GCC2: variants seen among roughly 807,000 people sequenced by gnomAD.
GCC2 encodes GRIP and coiled-coil domain containing 2.
Under a neutral mutation model 210.6 loss-of-function variants are expected in GCC2, and 120 were observed. That is an observed-to-expected ratio of 0.57 (90% confidence interval 0.49 to 0.66). The LOEUF (loss-of-function observed/expected upper bound fraction) is 0.66. GCC2 is among the 30% of genes least tolerant of loss of function. The pLI is 0.00. For missense variants in GCC2, 1,868 were observed against 1,871.9 expected, an observed-to-expected ratio of 1.00 and a Z score of 0.04; for synonymous variants, 703 against 652.7, an observed-to-expected ratio of 1.08 and a Z score of -1.17.
intron 22 of GCC2, among the ~76,000 whole-genome samples, chr2:108,506,915 A>G (rs1310130751): frequency 1.3e-5 from 2 of 152,070 alleles, no homozygotes; most frequent in Non-Finnish European, 2.9e-5. Flanking sequence ...GTTTGTAAAT[A>G]ATCATTTCTG....
chr2:108,504,829 A>G (rs374309476), intron 22 of GCC2, among the ~76,000 whole-genome samples: 2 of 152,198 alleles, frequency 1.3e-5, no homozygotes, highest in Admixed American at 6.5e-5. Context: ...CTTGTACACC[A>G]TACATACACA....
At chr2:108,505,439 T>C (rs1683135246) in intron 22 of GCC2, among the ~76,000 whole-genome samples, 1 of 152,198 alleles carries the variant, frequency 6.6e-6, no homozygotes, top group Non-Finnish European at 1.5e-5. Flanking sequence ...CTTTGTATAA[T>C]CTCTTCCCCT....
chr2:108,466,401 A>T (rs925871907), intron 4 of GCC2, among the ~76,000 whole-genome samples: 1 of 152,106 alleles, frequency 6.6e-6, no homozygotes, highest in African/African-American at 2.4e-5. Context: ...TTTTTAAAAT[A>T]CATATTTGTT....
At chr2:108,497,642 G>T (rs1682711000) in intron 21 of GCC2, among the ~76,000 whole-genome samples, 1 of 152,138 alleles carries the variant, frequency 6.6e-6, no homozygotes, top group Admixed American at 6.5e-5. Context: ...TTTTCAGGTG[G>T]AGATGGCAAA....
In GCC2 at chr2:108,481,685, C is replaced by CT; in HGVS notation, c.3061-8dup. 6.4e-7 allele frequency: 1 copy of CT among 1,573,948 alleles called. No individual in the cohort carries two copies. The highest frequency in any genetic ancestry group is 8.6e-7 in the Non-Finnish European group (1 of 1,163,624). ...AATTATATACCAAAGTTAAATCCTT[C>CT]TTTTATTGAAGAATCTTTTATTAGA... On this transcript the variant is annotated splice_polypyrimidine_tract_variant and intron_variant, in intron 9 of 22. Transcript: ENST00000309863.
chr2:108,463,852 A>C (rs1367662350), intron 4 of GCC2, among the ~76,000 whole-genome samples: 1 of 152,222 alleles, frequency 6.6e-6, no homozygotes, highest in African/African-American at 2.4e-5. Flanking sequence ...TGATTGGGCC[A>C]GTCTCCATAT....
chr2:108,455,745 C>T (rs553496931), intron 4 of GCC2, among the ~76,000 whole-genome samples: 21 of 152,210 alleles, frequency 1.4e-4, no homozygotes, highest in African/African-American at 4.6e-4. Flanking sequence ...CTGGAAATGG[C>T]GTGATCTTAT....
intron 9 of GCC2, among the ~76,000 whole-genome samples, chr2:108,478,817 C>T (rs1344821643): frequency 6.6e-6 from 1 of 152,098 alleles, no homozygotes; most frequent in Admixed American, 6.5e-5. Flanking sequence ...TCTAGAGGAG[C>T]CTACCCAAAT....
chr2:108,463,428 G>T (rs1680709259), intron 4 of GCC2, among the ~76,000 whole-genome samples: 1 of 152,094 alleles, frequency 6.6e-6, no homozygotes, highest in Non-Finnish European at 1.5e-5. Context: ...TTCTAGGTGG[G>T]TGCAATAGCA....
chr2:108,449,263 G>A lies in GCC2; in HGVS notation c.-12G>A. 1.3e-6 allele frequency: 2 copies of A among 1,549,238 alleles called. No individual in the cohort carries two copies. Among genetic ancestry groups the A allele is most frequent in the Non-Finnish European group, 1.7e-6 (2 of 1,145,222 alleles). ...CGGCGGCTGGTTGCGGGCCGGCGGC[G>A]GGCTGGCGGAGATGGAGGTAACTCA... is the stretch of plus-strand genomic sequence containing the variant. On this transcript the variant is annotated 5_prime_UTR_variant, in exon 1 of 23. Transcript: ENST00000309863.
intron 19 of GCC2, chr2:108,493,744 T>TAAA (rs1281852017): frequency 2.0e-6 from 2 of 985,104 alleles, no homozygotes; most frequent in Non-Finnish European, 2.4e-6. Flanking sequence ...CTTATTAGGG[T>TAAA]AAAAAAGCAA....
intron 9 of GCC2, among the ~76,000 whole-genome samples, chr2:108,478,391 G>T (rs556820081): frequency 1.3e-5 from 2 of 152,136 alleles, no homozygotes; most frequent in African/African-American, 4.8e-5. Context: ...ATGTACCTAC[G>T]CTCTATTAGG....
chr2:108,484,405 C>T (rs533676980), intron 13 of GCC2, 94 bp downstream of exon 13: 11 of 678,762 alleles, frequency 1.6e-5, no homozygotes, highest in Non-Finnish European at 2.7e-5. Flanking sequence ...ACCAGTCTTT[C>T]ACTGTCAGTC....
At chr2:108,458,166 T>C (rs763488868) in intron 4 of GCC2, among the ~76,000 whole-genome samples, 1 of 152,186 alleles carries the variant, frequency 6.6e-6, no homozygotes, top group Non-Finnish European at 1.5e-5. Context: ...TTTCTGCGTC[T>C]AGTGAGATGA....
At chr2:108,485,319 A>G (rs1054784964) in intron 13 of GCC2, among the ~76,000 whole-genome samples, 2 of 151,590 alleles carry the variant, frequency 1.3e-5, no homozygotes, top group Non-Finnish European at 2.9e-5. Context: ...CTTAAAGTAT[A>G]ATTAAAAAAA....
chr2:108,455,502 C>CT (rs1355798376), intron 4 of GCC2, among the ~76,000 whole-genome samples: 4 of 150,044 alleles, frequency 2.7e-5, no homozygotes, highest in Non-Finnish European at 4.4e-5. Context: ...TCTTTTCCTT[C>CT]TTTTTTTTTC....
intron 22 of GCC2, among the ~76,000 whole-genome samples, chr2:108,507,234 A>G (rs1052270941): frequency 2.6e-5 from 4 of 152,024 alleles, no homozygotes; most frequent in African/African-American, 9.7e-5. Flanking sequence ...TCCACAAAAA[A>G]AACAAAAAAT....
intron 9 of GCC2, among the ~76,000 whole-genome samples, chr2:108,481,258 G>T (rs1681836551): frequency 6.6e-6 from 1 of 152,182 alleles, no homozygotes; most frequent in African/African-American, 2.4e-5. Context: ...TCTTTCATTA[G>T]CACCTTTACT....
intron 22 of GCC2, among the ~76,000 whole-genome samples, chr2:108,506,235 A>C (rs950439017): frequency 2.0e-5 from 3 of 152,252 alleles, no homozygotes; most frequent in African/African-American, 7.2e-5. Flanking sequence ...GTTATCCTTC[A>C]ACTGGCAAAT....
Sources: gnomAD v4.1 joint callset for allele counts (sites outside exome capture counted in the v4.1 genomes callset) on GRCh38, gnomAD v4.1.1 for gene constraint, MANE v1.5 for transcripts, NCBI Gene and HGNC (gene_info 2026-07-23, HGNC 2026-07-21) for gene names.